ERBB4: variants seen among roughly 807,000 people sequenced by gnomAD.
The protein encoded by ERBB4 is receptor tyrosine-protein kinase erbB-4.
Under a neutral mutation model 158.0 loss-of-function variants are expected in ERBB4, and 42 were observed. The observed-to-expected ratio is 0.27, with a 90% CI of 0.21 to 0.34. ERBB4 has a LOEUF of 0.34. Ranked by LOEUF, ERBB4 falls within the 10% of genes least tolerant of loss-of-function variation. The pLI is 1.00. For synonymous variants in ERBB4, 583 were observed against 558.7 expected (o/e 1.04, Z -0.61); for missense variants, 1,333 against 1,624.1 (o/e 0.82, Z 3.08).
intron 1 of ERBB4, among the ~76,000 whole-genome samples, chr2:212,387,382 T>A (rs2090711712): frequency 6.6e-6 from 1 of 152,108 alleles, no homozygotes; most frequent in Non-Finnish European, 1.5e-5. Flanking sequence ...TTCACCATAA[T>A]AAGGCTTTGG....
chr2:211,718,546 T>C (rs916018557), intron 7 of ERBB4, among the ~76,000 whole-genome samples: 18 of 152,198 alleles, frequency 1.2e-4, no homozygotes, highest in Non-Finnish European at 1.6e-4. Flanking sequence ...TTTTAAGTAA[T>C]GTTTGGTGTG....
chr2:212,100,039 T>C (rs1444723764), intron 2 of ERBB4, among the ~76,000 whole-genome samples: 2 of 151,916 alleles, frequency 1.3e-5, no homozygotes, highest in East Asian at 3.8e-4. Flanking sequence ...ATTATTTGCA[T>C]ATTAAAGTGA....
intron 1 of ERBB4, among the ~76,000 whole-genome samples, chr2:212,236,955 T>C (rs920338927): frequency 2.0e-5 from 3 of 151,948 alleles, no homozygotes; most frequent in African/African-American, 7.3e-5. Flanking sequence ...GTTTTTCATG[T>C]CTCTATCTTC....
At chr2:212,533,528 A>G (rs1692869951) in intron 1 of ERBB4, among the ~76,000 whole-genome samples, 1 of 152,208 alleles carries the variant, frequency 6.6e-6, no homozygotes, top group Non-Finnish European at 1.5e-5. Flanking sequence ...AAAATAGGCA[A>G]TTAAAGTCTC....
chr2:212,498,121 T>C (rs113116897), intron 1 of ERBB4, among the ~76,000 whole-genome samples: 1,745 of 151,964 alleles, frequency 0.011, 15 homozygotes, highest in Middle Eastern at 0.037. Flanking sequence ...TATCTATGTG[T>C]GTGTGTGTGT....
intron 20 of ERBB4, among the ~76,000 whole-genome samples, chr2:211,526,169 C>G (rs1378372690): frequency 6.6e-6 from 1 of 152,080 alleles, no homozygotes; most frequent in African/African-American, 2.4e-5. Flanking sequence ...GGTCTCAGGT[C>G]TGACTGAGCA....
At chr2:212,125,415 A>AT (rs1457713752) in intron 1 of ERBB4, among the ~76,000 whole-genome samples, 1 of 152,102 alleles carries the variant, frequency 6.6e-6, no homozygotes, top group Non-Finnish European at 1.5e-5. Context: ...TTTTATTTTT[A>AT]TTTTTTAACT....
intron 2 of ERBB4, among the ~76,000 whole-genome samples, chr2:212,009,416 T>A (rs751004912): frequency 6.6e-6 from 1 of 151,304 alleles, no homozygotes; most frequent in African/African-American, 2.4e-5. Context: ...TGGGGGCTAC[T>A]AGATGTTGGA....
At chr2:212,517,077 A>T (rs1261780893) in intron 1 of ERBB4, among the ~76,000 whole-genome samples, 1 of 152,162 alleles carries the variant, frequency 6.6e-6, no homozygotes, top group Non-Finnish European at 1.5e-5. Flanking sequence ...ATAAAATAAG[A>T]GTTTGTGAAT....
chr2:212,410,274 G>C (rs55778914), intron 1 of ERBB4, among the ~76,000 whole-genome samples: 13,991 of 125,438 alleles, frequency 0.11, 1,109 homozygotes, highest in African/African-American at 0.25. Context: ...GAGTTAGAGA[G>C]TAAAGAACAA....
intron 1 of ERBB4, among the ~76,000 whole-genome samples, chr2:212,150,369 T>C (rs1429987640): frequency 6.6e-6 from 1 of 152,220 alleles, no homozygotes; most frequent in Non-Finnish European, 1.5e-5. Flanking sequence ...ACCAGTCATA[T>C]TGGATTAGGA....
intron 1 of ERBB4, among the ~76,000 whole-genome samples, chr2:212,163,273 C>A (rs2081255618): frequency 6.6e-6 from 1 of 151,882 alleles, no homozygotes; most frequent in African/African-American, 2.4e-5. Flanking sequence ...TCCCATCACC[C>A]AAAACTGTGT....
intron 16 of ERBB4, among the ~76,000 whole-genome samples, chr2:211,634,153 G>A (rs1478288615): frequency 6.6e-6 from 1 of 152,074 alleles, no homozygotes; most frequent in Non-Finnish European, 1.5e-5. Context: ...TGAAATAAAA[G>A]TTTATTAAAT....
intron 20 of ERBB4, among the ~76,000 whole-genome samples, chr2:211,433,581 A>AAAAAT (rs201231678): frequency 2.0e-5 from 3 of 151,532 alleles, no homozygotes; most frequent in Non-Finnish European, 4.4e-5. Flanking sequence ...ACTCTCAAAA[A>AAAAAT]AAAATAAAAT....
intron 1 of ERBB4, among the ~76,000 whole-genome samples, chr2:212,271,878 G>A (rs1425251301): frequency 2.0e-5 from 3 of 151,750 alleles, no homozygotes; most frequent in Non-Finnish European, 4.4e-5. Flanking sequence ...AAGGCAAGAT[G>A]CTCTAGACGT....
intron 3 of ERBB4, among the ~76,000 whole-genome samples, chr2:211,867,157 T>C (rs1319839757): frequency 6.6e-6 from 1 of 152,074 alleles, no homozygotes; most frequent in Non-Finnish European, 1.5e-5. Context: ...CATACATTTA[T>C]TACGTATTTG....
chr2:211,814,732 G>A (rs2076840764), intron 3 of ERBB4, among the ~76,000 whole-genome samples: 2 of 152,014 alleles, frequency 1.3e-5, no homozygotes, highest in Admixed American at 1.3e-4. Context: ...GTAAATCATA[G>A]GCTTTGAGTC....
In ERBB4 at chr2:211,407,605, A is replaced by C. The variant is rs188770700; in HGVS notation, c.3135+12836T>G. 4.3e-4 allele frequency among the ~76,000 whole-genome samples: 65 copies of C among 152,144 alleles called. No individual in the cohort carries two copies. The East Asian group carries it at 0.011, about 25-fold the overall frequency. Reference sequence around the variant, plus strand: ...ATATTTTGCTGCAAGAGATATAGTCATAGTATTTGGAATTTTTCCCACGGT... The same window carrying C: ...ATATTTTGCTGCAAGAGATATAGTCCTAGTATTTGGAATTTTTCCCACGGT... On this transcript the variant is annotated intron_variant, in intron 25 of 27. Coordinates refer to ENST00000342788, the MANE Select transcript of ERBB4 (RefSeq NM_005235.3).
At chr2:212,399,876 TCAAAAA>T (rs888074495) in intron 1 of ERBB4, among the ~76,000 whole-genome samples, 21 of 151,868 alleles carry the variant, frequency 1.4e-4, no homozygotes, top group African/African-American at 2.4e-4. Context: ...AGATTCTGTC[TCAAAAA>T]CAAAAACAAA....
Sources: gnomAD v4.1 joint callset for allele counts (sites outside exome capture counted in the v4.1 genomes callset) on GRCh38, gnomAD v4.1.1 for gene constraint, MANE v1.5 for transcripts, NCBI Gene and HGNC (gene_info 2026-07-23, HGNC 2026-07-21) for gene names.